Variants in LIMA1 observed in about 807,000 individuals in gnomAD.
The protein encoded by LIMA1 is LIM domain and actin-binding protein 1.
A neutral mutation model predicts 62.6 loss-of-function variants in LIMA1; 52 were observed. The observed-to-expected ratio is 0.83, with a 90% confidence interval of 0.67 to 1.05. The LOEUF (loss-of-function observed/expected upper bound fraction) is 1.05. Among genes scored for constraint, LIMA1 ranks in the 50% least tolerant of loss-of-function variants. The probability of loss-of-function intolerance (pLI) is 0.00; values close to 1 mark genes in which losing one functional copy is unlikely to be tolerated. For synonymous variants in LIMA1, 302 were observed against 317.8 expected (o/e 0.95, Z 0.53); for missense variants, 780 against 902.2 (o/e 0.86, Z 1.74).
At chr12:50,185,224 T>C (rs1940603177) in intron 9 of LIMA1, among the ~76,000 whole-genome samples, 2 of 152,084 alleles carry the variant, frequency 1.3e-5, no homozygotes, top group Admixed American at 1.3e-4. Flanking sequence ...AAACTTCACA[T>C]GGGATAAGAG....
chr12:50,201,323 G>A, intron 6 of LIMA1: 1 of 987,580 alleles, frequency 1.0e-6, no homozygotes, highest in Non-Finnish European at 1.2e-6. Flanking sequence ...TAAATGCCCG[G>A]CCTGGAAAGA....
chr12:50,222,230 G>GT lies in LIMA1; in HGVS notation c.420_421insA (p.Arg141ThrfsTer9). The GT allele has an allele frequency of 6.2e-7, 1 of 1,614,064 alleles. No individual in the cohort carries two copies. The highest frequency in any genetic ancestry group is 8.5e-7 in the Non-Finnish European group (1 of 1,179,990). ...TCACCGTCCTTGATGTGGGGATATC[G>GT]ACCCTGAACGAGGGCTTCAGGAGGT... On this transcript the variant is annotated frameshift_variant, in exon 4 of 11. Transcript: ENST00000341247. LOFTEE classifies it high-confidence loss of function.
chr12:50,261,209 C>T (rs1255066386), intron 1 of LIMA1, among the ~76,000 whole-genome samples: 11 of 151,068 alleles, frequency 7.3e-5, no homozygotes, highest in South Asian at 2.1e-4. Context: ...CCCACCACCA[C>T]GCCCAGCTAA....
Position 50,225,724 on chromosome 12 carries a change from G to A in LIMA1, c.166-3239C>T, listed in dbSNP as rs903106334. Among the ~76,000 whole-genome samples the A allele has an allele frequency of 4.5e-4, 68 of 152,060 alleles. 1 individual carries two copies. The highest frequency in any genetic ancestry group is 1.5e-4 in the Non-Finnish European group (10 of 68,004). On this transcript the variant is annotated intron_variant, in intron 3 of 10. Transcript: ENST00000341247. Reference sequence around the variant, plus strand: ...CATACTACCATGCCGGCTAATTTTAGTGTTATTAGTAGAGACGGGGTTTCA... The same window carrying A: ...CATACTACCATGCCGGCTAATTTTAATGTTATTAGTAGAGACGGGGTTTCA...
At position 50,183,749 on chromosome 12, in the gene LIMA1, T is replaced by C. The variant is rs1022839720; in HGVS notation, c.1141-1712A>G. On this transcript the variant is annotated intron_variant, in intron 9 of 10. Transcript: ENST00000341247. ...TCGCTTGAACCTGGGAGGCAGAGGT[T>C]GCAGTGAGCCGAGATTGAGCCACTG... 2.2e-5 allele frequency among the ~76,000 whole-genome samples: 3 copies of C among 134,410 alleles called. No homozygotes were observed. The Admixed American group carries it at 2.7e-4, about 12-fold the overall frequency. The allele number at this position is 134,410 out of a possible 152,430, so 88.2% of individuals were successfully genotyped here. A position where few individuals can be genotyped will look rare whatever the true frequency, so the allele number is the denominator to read the frequency against.
intron 9 of LIMA1, among the ~76,000 whole-genome samples, chr12:50,184,793 T>C (rs2138395801): frequency 6.6e-6 from 1 of 152,322 alleles, no homozygotes; most frequent in African/African-American, 2.4e-5. Context: ...AAAATCATTT[T>C]CAGTTGCAGA....
At chr12:50,196,493 C>G (rs564375342) in intron 7 of LIMA1, among the ~76,000 whole-genome samples, 1 of 152,052 alleles carries the variant, frequency 6.6e-6, no homozygotes, top group Admixed American at 6.6e-5. Context: ...GCAGATCTTA[C>G]GTATAGGTGT....
intron 3 of LIMA1, among the ~76,000 whole-genome samples, chr12:50,226,363 C>T (rs778031483): frequency 1.6e-4 from 25 of 152,050 alleles, no homozygotes; most frequent in African/African-American, 4.8e-4. Context: ...TACCTATTCA[C>T]GTCCACTTAC....
chr12:50,209,567 C>CAAAAA (rs1203309856), intron 4 of LIMA1, among the ~76,000 whole-genome samples: 13 of 61,614 alleles, frequency 2.1e-4, no homozygotes, highest in African/African-American at 2.8e-4. Flanking sequence ...GACTCCATCT[C>CAAAAA]AAAAAAAAAA....
intron 3 of LIMA1, among the ~76,000 whole-genome samples, chr12:50,227,326 C>T (rs1466196168): frequency 6.8e-6 from 1 of 147,156 alleles, no homozygotes; most frequent in African/African-American, 2.5e-5. Context: ...ACAGCCTCTG[C>T]CTCCTGGGTT....
At chr12:50,234,553 C>T (rs2138596283) in intron 2 of LIMA1, among the ~76,000 whole-genome samples, 1 of 152,156 alleles carries the variant, frequency 6.6e-6, no homozygotes, top group Middle Eastern at 3.4e-3. Context: ...CTGAGTCATG[C>T]ATTGAAGTCA....
intron 9 of LIMA1, 122 bp downstream of exon 9, chr12:50,192,330 G>C (rs1037970176): frequency 2.7e-6 from 2 of 748,810 alleles, no homozygotes; most frequent in African/African-American, 3.4e-5. Context: ...GTGCTCTTCT[G>C]TGGCATTATC....
At chr12:50,240,300 G>A (rs1331142757) in intron 2 of LIMA1, among the ~76,000 whole-genome samples, 1 of 152,156 alleles carries the variant, frequency 6.6e-6, no homozygotes, top group Non-Finnish European at 1.5e-5. Flanking sequence ...GAGGCGGGAG[G>A]CAGGGATGGG....
At chr12:50,193,462 C>G (rs1940825178) in intron 8 of LIMA1, among the ~76,000 whole-genome samples, 1 of 135,168 alleles carries the variant, frequency 7.4e-6, no homozygotes, top group African/African-American at 2.8e-5. Flanking sequence ...GTCTTGTGAC[C>G]TACAAGAAAT....
At chr12:50,256,900 C>T (rs958087667) in intron 1 of LIMA1, among the ~76,000 whole-genome samples, 2 of 152,060 alleles carry the variant, frequency 1.3e-5, no homozygotes, top group African/African-American at 4.8e-5. Context: ...GTTGATGTTC[C>T]CTTCACAGTG....
intron 1 of LIMA1, among the ~76,000 whole-genome samples, chr12:50,271,764 ACCAG>A (rs1271173938): frequency 5.3e-5 from 8 of 152,204 alleles, no homozygotes; most frequent in Non-Finnish European, 1.2e-4. Context: ...TGTACTGAAT[ACCAG>A]TGCCTGGAAC....
chr12:50,265,029 T>A (rs777086198), intron 1 of LIMA1, among the ~76,000 whole-genome samples: 1 of 151,778 alleles, frequency 6.6e-6, no homozygotes, highest in Non-Finnish European at 1.5e-5. Context: ...GGTGGGTGCC[T>A]GTGGTTCCAG....
At chr12:50,226,719 A>G (rs1400236482) in intron 3 of LIMA1, among the ~76,000 whole-genome samples, 1 of 151,864 alleles carries the variant, frequency 6.6e-6, no homozygotes, top group Non-Finnish European at 1.5e-5. Flanking sequence ...TGCGCCTGTA[A>G]TCCTAGCTAC....
chr12:50,176,851 A>C lies in LIMA1; in HGVS notation c.*213T>G. The C allele has an allele frequency of 2.1e-6, 1 of 482,456 alleles. No individual in the cohort carries two copies. Among genetic ancestry groups the C allele is most frequent in the Non-Finnish European group, 3.6e-6 (1 of 277,160 alleles). 29.9% of individuals were successfully genotyped at this position (482,456 alleles called of 1,614,324 possible). The stretch of plus-strand genomic sequence containing the variant: ...ATGCATATCATCACTGCTAAAATGA[A>C]GAATTTAAGTAAAGTTATCTCTAGT... On this transcript the variant is annotated 3_prime_UTR_variant, in exon 11 of 11. Coordinates refer to ENST00000341247, the MANE Select transcript of LIMA1 (RefSeq NM_016357.5).
Sources: gnomAD v4.1 joint callset for allele counts (sites outside exome capture counted in the v4.1 genomes callset) on GRCh38, gnomAD v4.1.1 for gene constraint, MANE v1.5 for transcripts, NCBI Gene and HGNC (gene_info 2026-07-23, HGNC 2026-07-21) for gene names.